KLHL21: variants seen among roughly 807,000 people sequenced by gnomAD.
KLHL21 encodes the protein kelch-like protein 21.
In KLHL21, 42 loss-of-function variants were observed where a neutral mutation model predicts 44.1. The ratio of observed to expected loss-of-function variants is 0.95; its 90% CI spans 0.74 to 1.23. The LOEUF is 1.23. Ranked by LOEUF, KLHL21 falls within the 50% of genes most tolerant of loss-of-function variation. KLHL21 has a pLI of 0.00. For missense variants in KLHL21, 918 were observed against 889.1 expected (o/e 1.03, Z -0.41); for synonymous variants, 524 against 411.6 (o/e 1.27, Z -3.31).
At position 6,590,910 on chromosome 1, in the gene KLHL21, T is replaced by C. The variant is rs1419015081; in HGVS notation, c.*2455A>G. ...TATTACATACGCGTCTCTGAAGTCA[T>C]ATAAATATAGAATACCTTATAGTAG... On this transcript the variant is annotated 3_prime_UTR_variant, in exon 4 of 4. Coordinates refer to ENST00000377658, the MANE Select transcript of KLHL21 (RefSeq NM_014851.4). The C allele has an allele frequency of 1.5e-5, 6 of 398,542 alleles. No homozygotes were observed. Among genetic ancestry groups the C allele is most frequent in the Non-Finnish European group, 2.7e-5 (6 of 226,084 alleles). 24.7% of individuals were successfully genotyped at this position (398,542 alleles called of 1,614,324 possible). A position where few individuals can be genotyped will look rare whatever the true frequency, so the allele number is the denominator to read the frequency against.
At chr1:6,601,338 C>T (rs531082639) in intron 1 of KLHL21, among the ~76,000 whole-genome samples, 1 of 152,302 alleles carries the variant, frequency 6.6e-6, no homozygotes, top group African/African-American at 2.4e-5. Flanking sequence ...AACCTTGTCA[C>T]CGGGTGACAA....
chr1:6,595,158 C>T, intron 3 of KLHL21: 1 of 558,408 alleles, frequency 1.8e-6, no homozygotes, highest in South Asian at 2.3e-5. Flanking sequence ...TGCTGCAGGG[C>T]CTCTGTACCT....
At position 6,602,475 on chromosome 1, in the gene KLHL21, G is replaced by T. The variant is rs773087044; in HGVS notation, c.343C>A (p.Leu115Met). 6.4e-7 allele frequency: 1 copy of T among 1,563,248 alleles called. No individual in the cohort carries two copies. Among genetic ancestry groups the T allele is most frequent in the South Asian group, 1.2e-5 (1 of 86,006 alleles). Residue 115 changes from leucine (L) to methionine (M), a missense_variant, in exon 1 of 4, where the codon CTG (leucine) becomes ATG (methionine). Leu to Met is a conservative substitution (Grantham distance 15). Coordinates refer to ENST00000377658, the MANE Select transcript of KLHL21 (RefSeq NM_014851.4). The stretch of plus-strand genomic sequence containing the variant: ...TCCTTCACGGCCGGGAACTGCAGCA[G>T]GTCGGCGGCGCGCAGCAGCGGCTCA... ...NAEPLLRAAD[L>M]LQFPAVKEAC... is the part of the protein sequence containing the mutation.
intron 2 of KLHL21, among the ~76,000 whole-genome samples, chr1:6,598,815 G>A (rs1038786385): frequency 2.0e-5 from 3 of 152,226 alleles, no homozygotes; most frequent in South Asian, 2.1e-4. Flanking sequence ...CCCGGAAGGT[G>A]GAGCTTGCAG....
intron 2 of KLHL21, among the ~76,000 whole-genome samples, chr1:6,597,233 G>A (rs1228916516): frequency 3.3e-5 from 5 of 152,140 alleles, no homozygotes; most frequent in Non-Finnish European, 7.4e-5. Context: ...TGGGGGTGGC[G>A]GGGCAGACCC....
Position 6,593,658 on chromosome 1 carries a change from C to T in KLHL21, c.1501G>A (p.Val501Ile). Residue 501 changes from valine to isoleucine, a missense_variant and splice_region_variant, in exon 4 of 4, where the codon GTA (valine) becomes ATA (isoleucine). Transcript: ENST00000377658. ...ACGGCCAGGCTGCCCCCCACATGTA[C>T]CTGTGGGCCAAAGGGATGAGTGAGT... ...EWDKIPSMNQ[V>I]HVGGSLAVLG... The T allele has an allele frequency of 6.4e-7, 1 of 1,568,668 alleles. No homozygotes were observed. Among genetic ancestry groups the T allele is most frequent in the Non-Finnish European group, 8.7e-7 (1 of 1,154,280 alleles).
chr1:6,595,348 G>T (rs973080998), intron 3 of KLHL21, 137 bp downstream of exon 3: 5 of 786,846 alleles, frequency 6.4e-6, no homozygotes, highest in Non-Finnish European at 8.9e-6. Flanking sequence ...CAAAATAAGG[G>T]TAAGAGCAGC....
chr1:6,590,856 G>A lies in KLHL21; in HGVS notation c.*2509C>T, dbSNP rs1242946723. On this transcript the variant is annotated 3_prime_UTR_variant, in exon 4 of 4. Transcript: ENST00000377658. ...CTGCCCGACCCTCTGGGGTGAACTG[G>A]ATGTGGACACTGGAGGGAGGGCGTC... 7.5e-6 allele frequency: 3 copies of A among 398,400 alleles called. No individual in the cohort carries two copies. Among genetic ancestry groups the A allele is most frequent in the African/African-American group, 6.2e-5 (3 of 48,628 alleles). The allele number at this position is 398,400 out of a possible 1,614,324, so 24.7% of individuals were successfully genotyped here. A position where few individuals can be genotyped will look rare whatever the true frequency, so the allele number is the denominator to read the frequency against.
At position 6,593,003 on chromosome 1, in the gene KLHL21, C is replaced by T. The variant is rs1640873337; in HGVS notation, c.*362G>A. 4.2e-6 allele frequency: 1 copy of T among 240,746 alleles called. No homozygotes were observed. Among genetic ancestry groups the T allele is most frequent in the Admixed American group, 5.0e-5 (1 of 19,936 alleles). The allele number at this position is 240,746 out of a possible 1,614,324, so 14.9% of individuals were successfully genotyped here. On this transcript the variant is annotated 3_prime_UTR_variant, in exon 4 of 4. Coordinates refer to ENST00000377658, the MANE Select transcript of KLHL21 (RefSeq NM_014851.4). ...ACCCCTTCTCCCTTCACGCGTCCCT[C>T]CCAAGTCATCGTCCTCTCCCAAGGT...
chr1:6,598,271 C>T (rs901049123), intron 2 of KLHL21, among the ~76,000 whole-genome samples: 1 of 152,102 alleles, frequency 6.6e-6, no homozygotes, highest in African/African-American at 2.4e-5. Flanking sequence ...CCTGTCTCTA[C>T]AAAAAGTTAA....
Position 6,599,244 on chromosome 1 carries a change from GT to G in KLHL21, c.1229del (p.Tyr410SerfsTer28). 4 of 1,614,104 alleles carry G rather than the reference GT, an allele frequency of 2.5e-6. No homozygotes were observed. Among genetic ancestry groups the G allele is most frequent in the Non-Finnish European group, 3.4e-6 (4 of 1,180,004 alleles). On this transcript the variant is annotated frameshift_variant, in exon 2 of 4. Coordinates refer to ENST00000377658, the MANE Select transcript of KLHL21 (RefSeq NM_014851.4). LOFTEE classifies it high-confidence loss of function. ...CAGTGGTGGAGCAGTTGTCCATGGGGTAGGTCATGGGCTGCAGGGCCTCCCA... is the reference window on the plus strand; with the variant it reads ...CAGTGGTGGAGCAGTTGTCCATGGGGAGGTCATGGGCTGCAGGGCCTCCCA... The part of the protein sequence containing the change: ...DSWEALQPMT[Y>X]PMDNCSTTAC...
chr1:6,594,291 T>C (rs1640894461), intron 3 of KLHL21: 1 of 157,476 alleles, frequency 6.4e-6, no homozygotes, highest in South Asian at 2.0e-4. Context: ...CAAATGGCAC[T>C]GAAGCCTCCC....
intron 1 of KLHL21, among the ~76,000 whole-genome samples, chr1:6,601,253 A>C (rs925767742): frequency 6.6e-6 from 1 of 152,220 alleles, no homozygotes; most frequent in African/African-American, 2.4e-5. Context: ...ACATGTGACC[A>C]TGTTTACAGG....
In KLHL21 at chr1:6,602,104, G is replaced by C. The variant is rs918208675; in HGVS notation, c.714C>G (p.Val238=). The part of the protein sequence containing the change: ...FVRRFYLLAH[V]EAEPLVARCP... The stretch of plus-strand genomic sequence containing the variant: ...AGCGCGCCACCAGCGGCTCGGCCTC[G>C]ACGTGCGCCAACAGGTAGAAGCGGC... The change falls in exon 1 of 4, where the codon GTC becomes GTG. Residue 238 remains valine (V), a synonymous_variant. Coordinates refer to ENST00000377658, the MANE Select transcript of KLHL21 (RefSeq NM_014851.4). 1 of 1,472,728 alleles carries C rather than the reference G, an allele frequency of 6.8e-7. No individual in the cohort carries two copies. Among genetic ancestry groups the C allele is most frequent in the Non-Finnish European group, 8.9e-7 (1 of 1,118,094 alleles). The allele number at this position is 1,472,728 out of a possible 1,614,324, so 91.2% of individuals were successfully genotyped here. A position where few individuals can be genotyped will look rare whatever the true frequency, so the allele number is the denominator to read the frequency against.
intron 3 of KLHL21, chr1:6,594,146 C>A: frequency 1.1e-6 from 1 of 907,322 alleles, no homozygotes; most frequent in Non-Finnish European, 1.3e-6. Context: ...CTCTTAAATG[C>A]CAGGACATTA....
intron 2 of KLHL21, among the ~76,000 whole-genome samples, chr1:6,597,150 A>T (rs957012922): frequency 2.0e-5 from 3 of 152,212 alleles, no homozygotes; most frequent in Non-Finnish European, 4.4e-5. Flanking sequence ...GAACGCATGC[A>T]GCCTTTCCAG....
rs1439360453 is a variant in KLHL21 at position 6,599,361 on chromosome 1, G to A, written c.1113C>T (p.Ala371=). ...EWAEVAPMLK[A]REYHSSSVLD... ...GCACAGAGGAGCTGTGGTACTCGCG[G>A]GCCTTCAGCATGGGCGCCACCTCCG... The change falls in exon 2 of 4, where the codon GCC becomes GCT. Residue 371 remains alanine, a synonymous_variant. Transcript: ENST00000377658. The A allele has an allele frequency of 6.2e-7, 1 of 1,613,826 alleles. No homozygotes were observed. The highest frequency in any genetic ancestry group is 8.5e-7 in the Non-Finnish European group (1 of 1,180,024).
chr1:6,602,016 GGCGGTCGTA>G lies in KLHL21; in HGVS notation c.793_801del (p.Tyr265_Arg267del). 6.5e-7 allele frequency: 1 copy of G among 1,536,650 alleles called. No homozygotes were observed. Among genetic ancestry groups the G allele is most frequent in the Non-Finnish European group, 8.8e-7 (1 of 1,138,498 alleles). On this transcript the variant is annotated inframe_deletion, in exon 1 of 4. Transcript: ENST00000377658. ...ATTCGGGGACAGGGCCCGCGGTCGT[GGCGGTCGTA>G]GCGCGCCGCCTGGAAGTCGCGCGCC... is the stretch of plus-strand genomic sequence containing the variant.
In KLHL21 at chr1:6,602,230, C is replaced by T; in HGVS notation, c.588G>A (p.Glu196=). The change falls in exon 1 of 4, where the codon GAG becomes GAA. Residue 196 remains glutamate, a synonymous_variant. Transcript: ENST00000377658. ...AGCGCAGCGCCAGCTGGTAGGCGGCCTCCTCCTTGGGCACACACAGCCCGT... is the reference window on the plus strand; with the variant it reads ...AGCGCAGCGCCAGCTGGTAGGCGGCTTCCTCCTTGGGCACACACAGCCCGT... ...RDDGLCVPKE[E]AAYQLALRWV... 1 of 1,526,402 alleles carries T rather than the reference C, an allele frequency of 6.6e-7. No individual in the cohort carries two copies. The highest frequency in any genetic ancestry group is 2.5e-5 in the East Asian group (1 of 39,574). 94.6% of individuals were successfully genotyped at this position (1,526,402 alleles called of 1,614,324 possible). A position where few individuals can be genotyped will look rare whatever the true frequency, so the allele number is the denominator to read the frequency against.
Sources: allele counts gnomAD v4.1 joint callset (sites outside exome capture counted in the v4.1 genomes callset), GRCh38; gene constraint gnomAD v4.1.1; transcripts MANE v1.5; gene names NCBI Gene and HGNC (gene_info 2026-07-23, HGNC 2026-07-21).